GABBR2: variants seen among roughly 807,000 people sequenced by gnomAD.
GABBR2 encodes G-protein coupled receptor 51.
GABBR2 carries 23 observed loss-of-function variants against 105.6 expected under a neutral mutation model. The ratio of observed to expected loss-of-function variants is 0.22; its 90% CI spans 0.16 to 0.31. GABBR2 has a LOEUF of 0.31. Among genes scored for constraint, GABBR2 ranks in the 10% least tolerant of loss-of-function variants. The probability of loss-of-function intolerance (pLI) is 1.00; values close to 1 mark genes in which losing one functional copy is unlikely to be tolerated. For missense variants in GABBR2, 734 were observed against 1,245.5 expected (o/e 0.59, Z 6.18); for synonymous variants, 478 against 499.7 (o/e 0.96, Z 0.58).
At chr9:98,414,019 T>A (rs575758008) in intron 7 of GABBR2, among the ~76,000 whole-genome samples, 5 of 152,230 alleles carry the variant, frequency 3.3e-5, no homozygotes, top group East Asian at 1.9e-4. Context: ...TGGGCACCTA[T>A]GATGTGCCAG....
chr9:98,395,063 G>A lies in GABBR2; in HGVS notation c.1298-808C>T, dbSNP rs115326007. Among the ~76,000 whole-genome samples, 1,253 of 152,272 alleles carry A rather than the reference G, an allele frequency of 8.2e-3. 18 individuals carry two copies. Among genetic ancestry groups the A allele is most frequent in the African/African-American group, 0.029 (1,192 of 41,550 alleles). On this transcript the variant is annotated intron_variant, in intron 8 of 18. Transcript: ENST00000259455. Reference sequence around the variant, plus strand: ...TCAACCTTCTTACAGTTCTTGGTGTGTTTAGTTCATTGTTTTGGTCATCGT... The same window carrying A: ...TCAACCTTCTTACAGTTCTTGGTGTATTTAGTTCATTGTTTTGGTCATCGT...
chr9:98,583,312 C>A, intron 1 of GABBR2, among the ~76,000 whole-genome samples: 1 of 152,202 alleles, frequency 6.6e-6, no homozygotes, highest in East Asian at 1.9e-4. Flanking sequence ...TTCCAGCTCA[C>A]CAAAGGTGAA....
intron 1 of GABBR2, chr9:98,607,547 A>G: frequency 3.1e-6 from 2 of 637,418 alleles, no homozygotes; most frequent in Non-Finnish European, 5.6e-6. Context: ...AAGATAAAGG[A>G]CCATTTACCT....
chr9:98,465,910 G>C (rs1387594596), intron 6 of GABBR2, among the ~76,000 whole-genome samples: 5 of 152,224 alleles, frequency 3.3e-5, no homozygotes, highest in Admixed American at 3.3e-4. Context: ...CCCCAGTGTT[G>C]GAGGAGGAGC....
intron 3 of GABBR2, among the ~76,000 whole-genome samples, chr9:98,534,093 G>A (rs557623351): frequency 6.6e-5 from 10 of 152,242 alleles, no homozygotes; most frequent in Non-Finnish European, 1.2e-4. Context: ...CTTTTGGTGG[G>A]GCAGATGGCA....
chr9:98,660,023 A>T (rs1039004640), intron 1 of GABBR2, among the ~76,000 whole-genome samples: 4 of 152,180 alleles, frequency 2.6e-5, no homozygotes, highest in Non-Finnish European at 5.9e-5. Flanking sequence ...GCATTATATT[A>T]TACACACTAA....
chr9:98,405,528 C>T lies in GABBR2; in HGVS notation c.1297+553G>A, dbSNP rs149195551. Among the ~76,000 whole-genome samples the T allele has an allele frequency of 1.8e-4, 27 of 152,220 alleles. 1 individual carries two copies. In the East Asian group the frequency reaches 4.2e-3, roughly 24 times the overall value. ...ATCTCATAAACCTTTTAGAGTCATG[C>T]GGGAAGGCAGAATAGGCCAGGGAAG... On this transcript the variant is annotated intron_variant, in intron 8 of 18. Transcript: ENST00000259455.
At chr9:98,509,635 G>A (rs1827594420) in intron 3 of GABBR2, among the ~76,000 whole-genome samples, 1 of 152,220 alleles carries the variant, frequency 6.6e-6, no homozygotes, top group Non-Finnish European at 1.5e-5. Context: ...ACAAACCTCA[G>A]TAGCCAATGC....
At chr9:98,664,167 G>C (rs1278812253) in intron 1 of GABBR2, among the ~76,000 whole-genome samples, 1 of 152,226 alleles carries the variant, frequency 6.6e-6, no homozygotes, top group African/African-American at 2.4e-5. Flanking sequence ...AGGCCGAGCA[G>C]AAGCTTCTGA....
At chr9:98,673,278 C>T (rs1212732446) in intron 1 of GABBR2, among the ~76,000 whole-genome samples, 1 of 152,136 alleles carries the variant, frequency 6.6e-6, no homozygotes, top group Non-Finnish European at 1.5e-5. Context: ...CAGAAAGTGC[C>T]AGCTGGCACC....
chr9:98,689,903 A>G (rs894920535), intron 1 of GABBR2, among the ~76,000 whole-genome samples: 1 of 152,184 alleles, frequency 6.6e-6, no homozygotes, highest in African/African-American at 2.4e-5. Flanking sequence ...ACTTCTGACT[A>G]TAGAGAATGA....
intron 5 of GABBR2, among the ~76,000 whole-genome samples, chr9:98,480,418 T>G (rs1212236625): frequency 2.6e-5 from 4 of 152,210 alleles, no homozygotes; most frequent in African/African-American, 9.6e-5. Context: ...TCTATGGAGC[T>G]CTATTTCCTC....
At chr9:98,420,322 A>C (rs1832760140) in intron 7 of GABBR2, among the ~76,000 whole-genome samples, 1 of 152,088 alleles carries the variant, frequency 6.6e-6, no homozygotes, top group South Asian at 2.1e-4. Flanking sequence ...GCCTAACTGG[A>C]ATGCCAGCCT....
chr9:98,399,385 C>G (rs1352202711), intron 8 of GABBR2, among the ~76,000 whole-genome samples: 5 of 151,568 alleles, frequency 3.3e-5, no homozygotes, highest in Admixed American at 6.6e-5. Context: ...ATCTTGGATG[C>G]CACTGCTCTC....
intron 7 of GABBR2, among the ~76,000 whole-genome samples, chr9:98,440,516 C>A (rs980018183): frequency 5.3e-5 from 8 of 152,146 alleles, no homozygotes; most frequent in African/African-American, 1.9e-4. Context: ...CCACTTCCCC[C>A]CTTCTACAAT....
At chr9:98,665,662 G>A (rs1208285347) in intron 1 of GABBR2, among the ~76,000 whole-genome samples, 1 of 152,178 alleles carries the variant, frequency 6.6e-6, no homozygotes, top group Non-Finnish European at 1.5e-5. Context: ...CATGCCATCT[G>A]CAGCAGAGAA....
At chr9:98,415,112 T>C (rs941740197) in intron 7 of GABBR2, among the ~76,000 whole-genome samples, 1 of 152,152 alleles carries the variant, frequency 6.6e-6, no homozygotes, top group Non-Finnish European at 1.5e-5. Context: ...AAATTGTATA[T>C]ACAGTATACT....
intron 1 of GABBR2, among the ~76,000 whole-genome samples, chr9:98,685,662 T>C (rs1166950128): frequency 6.6e-6 from 1 of 152,198 alleles, no homozygotes; most frequent in Non-Finnish European, 1.5e-5. Context: ...TGACAAACAG[T>C]GTCTCCTTGA....
intron 12 of GABBR2, among the ~76,000 whole-genome samples, chr9:98,366,611 T>C (rs1395539200): frequency 6.6e-6 from 1 of 152,200 alleles, no homozygotes; most frequent in Non-Finnish European, 1.5e-5. Context: ...TCTGACCTAT[T>C]CAGACTGGCC....
Sources: gnomAD v4.1 joint callset for allele counts (sites outside exome capture counted in the v4.1 genomes callset) on GRCh38, gnomAD v4.1.1 for gene constraint, MANE v1.5 for transcripts, NCBI Gene and HGNC (gene_info 2026-07-23, HGNC 2026-07-21) for gene names.